Variants in RASAL2 observed in about 807,000 individuals in gnomAD.
RASAL2 encodes the protein RAS protein activator like 2.
In RASAL2, 58 loss-of-function variants were observed where a neutral mutation model predicts 128.9. The ratio of observed to expected loss-of-function variants is 0.45; its 90% confidence interval spans 0.36 to 0.56. RASAL2 has a LOEUF of 0.56. Among genes scored for constraint, RASAL2 ranks in the 20% least tolerant of loss-of-function variants. The pLI is 0.00. For missense variants in RASAL2, 1,360 were observed against 1,601.6 expected, an observed-to-expected ratio of 0.85 and a Z score of 2.57; for synonymous variants, 561 against 580.8, an observed-to-expected ratio of 0.97 and a Z score of 0.49.
At chr1:178,330,064 A>G (rs1222706497) in intron 3 of RASAL2, among the ~76,000 whole-genome samples, 7 of 152,188 alleles carry the variant, frequency 4.6e-5, no homozygotes, top group Admixed American at 2.6e-4. Flanking sequence ...TGCTTTAATC[A>G]GAGCCATTAG....
intron 9 of RASAL2, among the ~76,000 whole-genome samples, chr1:178,449,027 A>G (rs1677201096): frequency 6.6e-6 from 1 of 152,182 alleles, no homozygotes; most frequent in East Asian, 1.9e-4. Flanking sequence ...TCTTCAGGAC[A>G]GGGGCTGTAT....
intron 14 of RASAL2, 60 bp from the exon 15 acceptor site, chr1:178,464,218 G>C: frequency 6.6e-7 from 1 of 1,509,106 alleles, no homozygotes; most frequent in African/African-American, 1.4e-5. Flanking sequence ...ATAGCTGTTT[G>C]TGAAACATAG....
chr1:178,462,096 AAT>A (rs1469440080), intron 14 of RASAL2, among the ~76,000 whole-genome samples: 2 of 152,122 alleles, frequency 1.3e-5, no homozygotes, highest in Non-Finnish European at 2.9e-5. Context: ...AGTGGATATA[AAT>A]TCTCTTTCTA....
chr1:178,419,933 A>G (rs1675031555), intron 4 of RASAL2, among the ~76,000 whole-genome samples: 2 of 152,210 alleles, frequency 1.3e-5, no homozygotes, highest in Non-Finnish European at 1.5e-5. Flanking sequence ...GGTGACATAG[A>G]CTGAGTTTTA....
intron 4 of RASAL2, among the ~76,000 whole-genome samples, chr1:178,408,394 A>G (rs1674124352): frequency 6.6e-6 from 1 of 152,168 alleles, no homozygotes; most frequent in Non-Finnish European, 1.5e-5. Context: ...CTTGGTATCC[A>G]TCTATTTTTA....
At chr1:178,140,495 C>T (rs1202144229) in intron 1 of RASAL2, among the ~76,000 whole-genome samples, 3 of 152,184 alleles carry the variant, frequency 2.0e-5, no homozygotes, top group African/African-American at 7.2e-5. Flanking sequence ...TTTCCTCCCC[C>T]TGAAACTCTG....
Position 178,406,033 on chromosome 1 carries a change from C to G in RASAL2, c.565-14478C>G, listed in dbSNP as rs1572015970. On this transcript the variant is annotated intron_variant, in intron 4 of 17. Coordinates refer to ENST00000367649, the MANE Select transcript of RASAL2 (RefSeq NM_170692.4). Reference sequence around the variant, plus strand: ...CCCTCCTCAGTGTCCTTTCCCCACTCTACCTCATTAACATCCCCTTAAAAA... The same window carrying G: ...CCCTCCTCAGTGTCCTTTCCCCACTGTACCTCATTAACATCCCCTTAAAAA... Among the ~76,000 whole-genome samples, 4 of 152,320 alleles carry G rather than the reference C, an allele frequency of 2.6e-5. No individual in the cohort carries two copies. The Middle Eastern group carries it at 0.014, about 518-fold the overall frequency.
At chr1:178,123,990 G>T (rs1659805734) in intron 1 of RASAL2, among the ~76,000 whole-genome samples, 1 of 151,980 alleles carries the variant, frequency 6.6e-6, no homozygotes, top group Non-Finnish European at 1.5e-5. Flanking sequence ...CACTATTAGT[G>T]ACATACTTAT....
rs752667074 is a variant in RASAL2 at position 178,409,535 on chromosome 1, T to C, written c.565-10976T>C. 1.1e-3 allele frequency among the ~76,000 whole-genome samples: 170 copies of C among 152,146 alleles called. 1 individual carries two copies. The highest frequency in any genetic ancestry group is 1.6e-3 in the Admixed American group (25 of 15,280). ...AAACATGCATGGTGAATATAGAGAA[T>C]TACAGGTATTTCAAGTTAGTGGAGG... is the stretch of plus-strand genomic sequence containing the variant. On this transcript the variant is annotated intron_variant, in intron 4 of 17. Coordinates refer to ENST00000367649, the MANE Select transcript of RASAL2 (RefSeq NM_170692.4).
At chr1:178,151,040 G>A (rs1660897152) in intron 1 of RASAL2, among the ~76,000 whole-genome samples, 1 of 152,008 alleles carries the variant, frequency 6.6e-6, no homozygotes, top group Non-Finnish European at 1.5e-5. Context: ...GAAAATATGA[G>A]TGTTGAATAA....
At chr1:178,246,995 G>A (rs750013520) in intron 1 of RASAL2, among the ~76,000 whole-genome samples, 12 of 152,118 alleles carry the variant, frequency 7.9e-5, no homozygotes, top group Non-Finnish European at 1.6e-4. Flanking sequence ...TTATCACATC[G>A]ATGTTCATCA....
At chr1:178,450,371 G>C (rs1677293801) in intron 9 of RASAL2, among the ~76,000 whole-genome samples, 1 of 152,018 alleles carries the variant, frequency 6.6e-6, no homozygotes, top group South Asian at 2.1e-4. Context: ...TTAAATGATG[G>C]ATCCGGATTT....
At chr1:178,297,607 CAAAAAAAAAA>C in intron 2 of RASAL2, among the ~76,000 whole-genome samples, 1 of 57,220 alleles carries the variant, frequency 1.7e-5, no homozygotes, top group African/African-American at 5.4e-5. Context: ...GACTCCATCT[CAAAAAAAAAA>C]AAAAAAAAAA....
chr1:178,137,266 A>G (rs1660359081), intron 1 of RASAL2, among the ~76,000 whole-genome samples: 1 of 152,148 alleles, frequency 6.6e-6, no homozygotes, highest in South Asian at 2.1e-4. Flanking sequence ...TAGATCTATG[A>G]TTCTTCTCAG....
intron 3 of RASAL2, among the ~76,000 whole-genome samples, chr1:178,343,295 C>A (rs1669978536): frequency 6.6e-6 from 1 of 152,156 alleles, no homozygotes; most frequent in African/African-American, 2.4e-5. Flanking sequence ...AACCAAATTA[C>A]CAAGTGAATT....
intron 14 of RASAL2, among the ~76,000 whole-genome samples, chr1:178,463,929 T>C (rs1240553009): frequency 6.6e-6 from 1 of 152,192 alleles, no homozygotes; most frequent in Non-Finnish European, 1.5e-5. Flanking sequence ...AAAAGACTTT[T>C]ATGGCAGAGG....
intron 5 of RASAL2, among the ~76,000 whole-genome samples, chr1:178,434,623 T>C (rs1043669311): frequency 1.3e-5 from 2 of 151,992 alleles, no homozygotes; most frequent in Non-Finnish European, 2.9e-5. Flanking sequence ...AATCAGTGAG[T>C]AATATAAGCA....
chr1:178,431,867 TTATG>T (rs1395756311), intron 5 of RASAL2, among the ~76,000 whole-genome samples: 4 of 147,294 alleles, frequency 2.7e-5, no homozygotes, highest in Admixed American at 2.7e-4. Flanking sequence ...TTTAAATAAA[TTATG>T]TATATTATGT....
chr1:178,124,906 G>C (rs1027105225), intron 1 of RASAL2, among the ~76,000 whole-genome samples: 2 of 152,154 alleles, frequency 1.3e-5, no homozygotes, highest in African/African-American at 4.8e-5. Flanking sequence ...TTCAGTGGTA[G>C]AATTTCCTTT....
Sources: allele counts gnomAD v4.1 joint callset (sites outside exome capture counted in the v4.1 genomes callset), GRCh38; gene constraint gnomAD v4.1.1; transcripts MANE v1.5; gene names NCBI Gene and HGNC (gene_info 2026-07-23, HGNC 2026-07-21).